Variants in WAPL observed in about 807,000 individuals in gnomAD.
The protein encoded by WAPL is wings apart-like protein homolog.
In WAPL, 5 loss-of-function variants were observed where a neutral mutation model predicts 121.0. The observed-to-expected ratio is 0.04, with a 90% CI of 0.02 to 0.09. The LOEUF (loss-of-function observed/expected upper bound fraction) is 0.09. Among genes scored for constraint, WAPL ranks in the 10% least tolerant of loss-of-function variants. The probability of loss-of-function intolerance (pLI) is 1.00; values close to 1 mark genes in which losing one functional copy is unlikely to be tolerated. For synonymous variants in WAPL, 480 were observed against 481.5 expected (o/e 1.00, Z 0.04); for missense variants, 999 against 1,410.8 (o/e 0.71, Z 4.68).
At chr10:86,505,499 C>T (rs1842333065) in intron 2 of WAPL, among the ~76,000 whole-genome samples, 1 of 151,658 alleles carries the variant, frequency 6.6e-6, no homozygotes, top group African/African-American at 2.4e-5. Context: ...GTTGACCAGG[C>T]TGGTCTCAAA....
intron 13 of WAPL, 23 bp from the exon 14 acceptor site, chr10:86,453,358 GA>G: frequency 6.2e-7 from 1 of 1,608,240 alleles, no homozygotes; most frequent in Non-Finnish European, 8.5e-7. Flanking sequence ...ATGGATACAG[GA>G]AAATGGTTAC....
intron 2 of WAPL, among the ~76,000 whole-genome samples, 193 bp downstream of exon 2, chr10:86,517,378 C>T (rs1315277652): frequency 2.0e-5 from 3 of 152,232 alleles, no homozygotes; most frequent in African/African-American, 7.2e-5. Flanking sequence ...TAAATGTTAA[C>T]ATCCAAGTTG....
At chr10:86,494,665 C>T (rs908797035) in intron 4 of WAPL, among the ~76,000 whole-genome samples, 3 of 152,116 alleles carry the variant, frequency 2.0e-5, no homozygotes, top group African/African-American at 4.8e-5. Context: ...CATAATTCAT[C>T]GTAACCAGTA....
chr10:86,452,703 T>A (rs1429588981), intron 14 of WAPL, among the ~76,000 whole-genome samples: 1 of 152,058 alleles, frequency 6.6e-6, no homozygotes, highest in Non-Finnish European at 1.5e-5. Context: ...TCGTACTTTT[T>A]ATTTTTACAT....
At chr10:86,475,329 G>T (rs1265331955) in intron 4 of WAPL, among the ~76,000 whole-genome samples, 1 of 152,082 alleles carries the variant, frequency 6.6e-6, no homozygotes, top group South Asian at 2.1e-4. Flanking sequence ...ACAAATTAGA[G>T]ATTTTCTCTT....
chr10:86,517,275 G>C (rs1842573195), intron 2 of WAPL, among the ~76,000 whole-genome samples: 1 of 152,116 alleles, frequency 6.6e-6, no homozygotes, highest in African/African-American at 2.4e-5. Flanking sequence ...GAGATACTTT[G>C]TGATCCTAAC....
chr10:86,490,258 T>C (rs1205559761), intron 4 of WAPL, among the ~76,000 whole-genome samples: 1 of 152,052 alleles, frequency 6.6e-6, no homozygotes, highest in African/African-American at 2.4e-5. Context: ...TCATATTACA[T>C]TTTTCAAATA....
At position 86,517,685 on chromosome 10, in the gene WAPL, C is replaced by G. The variant is rs142162405; in HGVS notation, c.385G>C (p.Val129Leu). 7 of 1,613,996 alleles carry G rather than the reference C, an allele frequency of 4.3e-6. No individual in the cohort carries two copies. The African/African-American group carries it at 9.3e-5, about 22-fold the overall frequency. ...ISHVVVEDTV[V>L]SDKCFPLEDT... ...TCCAAAGGGAAGCATTTATCAGAAA[C>G]GACAGTGTCTTCAACGACCACATGA... Residue 129 changes from valine to leucine, a missense_variant, in exon 2 of 19, where the codon GTT becomes CTT. Coordinates refer to ENST00000298767, the MANE Select transcript of WAPL (RefSeq NM_015045.5).
intron 9 of WAPL, among the ~76,000 whole-genome samples, chr10:86,465,877 G>C (rs1841385616): frequency 6.6e-6 from 1 of 152,242 alleles, no homozygotes; most frequent in South Asian, 2.1e-4. Context: ...AATGTTTATA[G>C]AGTTTTGATG....
intron 3 of WAPL, among the ~76,000 whole-genome samples, chr10:86,497,975 T>C (rs540348812): frequency 8.7e-4 from 132 of 152,362 alleles, no homozygotes; most frequent in Middle Eastern, 3.4e-3. Flanking sequence ...GACTCTTCTC[T>C]ATCCCAATGC....
rs772586908 is a variant in WAPL, at chr10:86,467,518, CA to C, written c.2143-13del. The C allele has an allele frequency of 3.2e-6, 5 of 1,560,964 alleles. No individual in the cohort carries two copies. The highest frequency in any genetic ancestry group is 2.0e-5 in the Admixed American group (1 of 49,824). ...CAGAGGGACAGATTCTTCAACAGGC[CA>C]AAAAAAGAAAAGAAAAAAAACTTCA... On this transcript the variant is annotated splice_polypyrimidine_tract_variant and intron_variant, in intron 8 of 18. Transcript: ENST00000298767.
rs1342832036 is a variant in WAPL, at chr10:86,467,391, T to C, written c.2258A>G (p.Asp753Gly). Residue 753 changes from aspartate (D) to glycine (G), a missense_variant, in exon 9 of 19, where the codon GAT (aspartate) becomes GGT (glycine). Coordinates refer to ENST00000298767, the MANE Select transcript of WAPL (RefSeq NM_015045.5). ...ATTCAGTAGCTTGGCTGATGAAGCA[T>C]CTTGTTCCAGTTCCAAAAGTCGAAT... ...LMIRLLELEQ[D>G]ASSAKLLNEK... is the part of the protein sequence containing the mutation. 2 of 1,614,038 alleles carry C rather than the reference T, an allele frequency of 1.2e-6. No individual in the cohort carries two copies. Among genetic ancestry groups the C allele is most frequent in the Non-Finnish European group, 1.7e-6 (2 of 1,180,032 alleles).
intron 4 of WAPL, among the ~76,000 whole-genome samples, chr10:86,487,582 C>A (rs539431609): frequency 6.6e-6 from 1 of 152,240 alleles, no homozygotes; most frequent in South Asian, 2.1e-4. Flanking sequence ...CTCACAGACA[C>A]GTATGCTTAA....
At chr10:86,481,653 G>A (rs1273986779) in intron 4 of WAPL, among the ~76,000 whole-genome samples, 4 of 152,156 alleles carry the variant, frequency 2.6e-5, no homozygotes, top group Middle Eastern at 3.4e-3. Flanking sequence ...GATTACAGGC[G>A]TGAACCACCG....
intron 5 of WAPL, among the ~76,000 whole-genome samples, chr10:86,473,579 C>CAATCTTG (rs960122665): frequency 5.8e-4 from 89 of 152,242 alleles, no homozygotes; most frequent in African/African-American, 2.1e-3. Context: ...CAAATATGGA[C>CAATCTTG]AATCTTGCTC....
chr10:86,502,509 G>T (rs1842265414), intron 2 of WAPL, among the ~76,000 whole-genome samples: 1 of 152,182 alleles, frequency 6.6e-6, no homozygotes, highest in Non-Finnish European at 1.5e-5. Flanking sequence ...GGATAAAAAT[G>T]AAACAAGACT....
At position 86,480,619 on chromosome 10, in the gene WAPL, G is replaced by A. The variant is rs1009285716; in HGVS notation, c.1645-6646C>T. Among the ~76,000 whole-genome samples the A allele has an allele frequency of 2.5e-5, 3 of 117,772 alleles. No individual in the cohort carries two copies. In the Admixed American group the frequency reaches 2.7e-4, roughly 10 times the overall value. 77.3% of individuals were successfully genotyped at this position (117,772 alleles called of 152,430 possible). On this transcript the variant is annotated intron_variant, in intron 4 of 18. Transcript: ENST00000298767. ...ATCAAATTTAGAAATAAAAAAACCGGAAGCTATAAATATCTTGAGACAACA... is the reference window on the plus strand; with the variant it reads ...ATCAAATTTAGAAATAAAAAAACCGAAAGCTATAAATATCTTGAGACAACA...
intron 4 of WAPL, among the ~76,000 whole-genome samples, chr10:86,496,694 A>C (rs1435235052): frequency 1.3e-5 from 2 of 152,232 alleles, no homozygotes; most frequent in African/African-American, 4.8e-5. Context: ...AAAAGGAATG[A>C]AATTTTGACA....
At chr10:86,519,095 T>C (rs7087314) in intron 1 of WAPL, among the ~76,000 whole-genome samples, 12 of 151,786 alleles carry the variant, frequency 7.9e-5, no homozygotes, top group Non-Finnish European at 1.5e-4. Flanking sequence ...AATTTATAAA[T>C]GGCAAATCGA....
Sources: gnomAD v4.1 joint callset for allele counts (sites outside exome capture counted in the v4.1 genomes callset) on GRCh38, gnomAD v4.1.1 for gene constraint, MANE v1.5 for transcripts, NCBI Gene and HGNC (gene_info 2026-07-23, HGNC 2026-07-21) for gene names.